Variants in CAMK1D observed in about 807,000 individuals in gnomAD.
CAMK1D encodes the protein calcium/calmodulin-dependent protein kinase type 1D.
A neutral mutation model predicts 47.7 loss-of-function variants in CAMK1D; 9 were observed. That is an observed-to-expected ratio of 0.19 (90% CI 0.11 to 0.33). The LOEUF (loss-of-function observed/expected upper bound fraction) is 0.33. Ranked by LOEUF, CAMK1D falls within the 10% of genes least tolerant of loss-of-function variation. The pLI is 1.00. For synonymous variants in CAMK1D, 184 were observed against 184.9 expected (o/e 0.99, Z 0.04); for missense variants, 291 against 488.7 (o/e 0.60, Z 3.81).
chr10:12,818,002 T>C (rs1287500313), intron 8 of CAMK1D, among the ~76,000 whole-genome samples: 3 of 152,188 alleles, frequency 2.0e-5, no homozygotes, highest in East Asian at 1.9e-4. Flanking sequence ...GTGATTGTTA[T>C]GTAAGCACCA....
chr10:12,727,776 T>C (rs958170126), intron 3 of CAMK1D, among the ~76,000 whole-genome samples: 4 of 151,690 alleles, frequency 2.6e-5, no homozygotes, highest in Non-Finnish European at 4.4e-5. Flanking sequence ...CCTTTTTTTT[T>C]TTTTTGAGAC....
At chr10:12,755,052 G>A (rs568581209) in intron 3 of CAMK1D, among the ~76,000 whole-genome samples, 4 of 152,188 alleles carry the variant, frequency 2.6e-5, no homozygotes, top group African/African-American at 9.7e-5. Flanking sequence ...ATGGAAAGGC[G>A]TGTGTTTATA....
rs117207334 is a variant in CAMK1D at position 12,391,164 on chromosome 10, A to G, written c.92+41254A>G. On this transcript the variant is annotated intron_variant, in intron 1 of 10. Transcript: ENST00000619168. ...GGTAGAGGGGAAAGATTGAACTTTTAAGATCTTTGCCTGGATTCTTGTTAT... is the reference window on the plus strand; with the variant it reads ...GGTAGAGGGGAAAGATTGAACTTTTGAGATCTTTGCCTGGATTCTTGTTAT... Among the ~76,000 whole-genome samples, 659 of 152,284 alleles carry G rather than the reference A, an allele frequency of 4.3e-3. 9 individuals carry two copies. The East Asian group carries it at 0.057, about 13-fold the overall frequency.
intron 6 of CAMK1D, among the ~76,000 whole-genome samples, chr10:12,792,923 A>C (rs550794559): frequency 3.8e-4 from 58 of 151,280 alleles, no homozygotes; most frequent in African/African-American, 1.3e-3. Context: ...AATGAAGGTC[A>C]TGGATCCTAT....
intron 4 of CAMK1D, among the ~76,000 whole-genome samples, chr10:12,768,174 G>A (rs558186424): frequency 6.6e-6 from 1 of 152,280 alleles, no homozygotes; most frequent in East Asian, 1.9e-4. Context: ...TGCCTGGCCA[G>A]AGTTTGAGTT....
At chr10:12,475,887 A>G (rs1833887889) in intron 1 of CAMK1D, among the ~76,000 whole-genome samples, 1 of 151,962 alleles carries the variant, frequency 6.6e-6, no homozygotes. Context: ...TGGCGGTGCT[A>G]GAAGAGTTGA....
rs1174800168 is a variant in CAMK1D, at chr10:12,831,990, A to T, written c.*3103A>T. 1.3e-5 allele frequency: 2 copies of T among 152,214 alleles called. No homozygotes were observed. The highest frequency in any genetic ancestry group is 2.9e-5 in the Non-Finnish European group (2 of 68,054). 9.4% of individuals were successfully genotyped at this position (152,214 alleles called of 1,614,324 possible). ...GTAGAGGCTGAGCATTTCTACATGC[A>T]CCCAGGGTGCTGGGCTGAGGCTAAG... is the stretch of plus-strand genomic sequence containing the variant. On this transcript the variant is annotated 3_prime_UTR_variant, in exon 11 of 11. Transcript: ENST00000619168.
chr10:12,543,834 A>G (rs1374384575), intron 1 of CAMK1D, among the ~76,000 whole-genome samples: 1 of 152,194 alleles, frequency 6.6e-6, no homozygotes, highest in Admixed American at 6.5e-5. Flanking sequence ...GACTGGGTAT[A>G]CATTTAACAG....
chr10:12,619,330 G>T (rs548477005), intron 2 of CAMK1D, among the ~76,000 whole-genome samples: 143 of 151,370 alleles, frequency 9.4e-4, no homozygotes, highest in African/African-American at 3.2e-3. Flanking sequence ...TTGCTCTGTT[G>T]CCCAGGCTGG....
chr10:12,687,972 T>A (rs1205030945), intron 3 of CAMK1D, among the ~76,000 whole-genome samples: 1 of 152,198 alleles, frequency 6.6e-6, no homozygotes, highest in Non-Finnish European at 1.5e-5. Flanking sequence ...TAAATACAAC[T>A]GATTAATGAT....
chr10:12,722,219 G>A (rs1248474961), intron 3 of CAMK1D, among the ~76,000 whole-genome samples: 4 of 151,998 alleles, frequency 2.6e-5, no homozygotes, highest in South Asian at 2.1e-4. Flanking sequence ...TGAGGCGGGC[G>A]GATCACGAAG....
chr10:12,502,981 A>G (rs1834751165), intron 1 of CAMK1D, among the ~76,000 whole-genome samples: 1 of 152,148 alleles, frequency 6.6e-6, no homozygotes. Flanking sequence ...TCAGTTGTGC[A>G]CTGTTGCCCC....
At chr10:12,739,442 A>ATTTT (rs1186963710) in intron 3 of CAMK1D, among the ~76,000 whole-genome samples, 87 of 127,722 alleles carry the variant, frequency 6.8e-4, no homozygotes, top group African/African-American at 2.4e-3. Flanking sequence ...CACCCGGCTA[A>ATTTT]TTTTTTTTTT....
intron 2 of CAMK1D, among the ~76,000 whole-genome samples, chr10:12,640,515 G>A (rs1011050033): frequency 6.6e-6 from 1 of 152,132 alleles, no homozygotes; most frequent in Non-Finnish European, 1.5e-5. Flanking sequence ...GATCTTATTT[G>A]CAAGCCTATT....
chr10:12,726,545 T>C (rs1444564189), intron 3 of CAMK1D, among the ~76,000 whole-genome samples: 1 of 152,226 alleles, frequency 6.6e-6, no homozygotes, highest in Admixed American at 6.5e-5. Context: ...AAAAGAGACA[T>C]GTCTCAGAAA....
At chr10:12,629,383 G>A (rs1049174225) in intron 2 of CAMK1D, among the ~76,000 whole-genome samples, 1 of 152,198 alleles carries the variant, frequency 6.6e-6, no homozygotes, top group Admixed American at 6.5e-5. Context: ...ATGCCAAGGT[G>A]TTGAAAGGCC....
intron 9 of CAMK1D, 41 bp from the exon 10 acceptor site, chr10:12,825,532 G>C (rs1211759131): frequency 6.3e-7 from 1 of 1,590,966 alleles, no homozygotes; most frequent in South Asian, 1.1e-5. Flanking sequence ...TTTCCGATTA[G>C]CTGAAATATT....
intron 1 of CAMK1D, among the ~76,000 whole-genome samples, chr10:12,454,660 G>T (rs1158176928): frequency 1.3e-5 from 2 of 151,588 alleles, no homozygotes; most frequent in Non-Finnish European, 2.9e-5. Context: ...ATGGAGTCTC[G>T]CTGTGTTCCC....
intron 3 of CAMK1D, among the ~76,000 whole-genome samples, chr10:12,688,560 C>T (rs952386074): frequency 3.3e-5 from 5 of 152,076 alleles, no homozygotes; most frequent in African/African-American, 9.7e-5. Flanking sequence ...ACCCTAAGAT[C>T]CACAAAGGAG....
Sources: gnomAD v4.1 joint callset for allele counts (sites outside exome capture counted in the v4.1 genomes callset) on GRCh38, gnomAD v4.1.1 for gene constraint, MANE v1.5 for transcripts, NCBI Gene and HGNC (gene_info 2026-07-23, HGNC 2026-07-21) for gene names.